Variants in AGPS observed in about 807,000 individuals in gnomAD.
The protein encoded by AGPS is alkylglycerone phosphate synthase.
A neutral mutation model predicts 90.7 loss-of-function variants in AGPS; 26 were observed. The observed-to-expected ratio is 0.29, with a 90% CI of 0.21 to 0.40. AGPS has a LOEUF of 0.40. AGPS is among the 10% of genes least tolerant of loss of function. The pLI, the probability that AGPS is intolerant of heterozygous loss-of-function variation, is 1.00. For synonymous variants in AGPS, 294 were observed against 285.3 expected (o/e 1.03, Z -0.31); for missense variants, 540 against 816.1 (o/e 0.66, Z 4.12).
At chr2:177,496,863 T>C (rs529595014) in intron 12 of AGPS, among the ~76,000 whole-genome samples, 45 of 152,114 alleles carry the variant, frequency 3.0e-4, no homozygotes, top group South Asian at 8.3e-4. Flanking sequence ...CCCCAAACCT[T>C]AAAGGCTTTT....
intron 9 of AGPS, among the ~76,000 whole-genome samples, chr2:177,466,497 C>A (rs543601908): frequency 1.1e-4 from 16 of 152,342 alleles, no homozygotes; most frequent in Non-Finnish European, 2.9e-5. Flanking sequence ...CGCCCAGGAG[C>A]CTGTCTGCCT....
intron 8 of AGPS, among the ~76,000 whole-genome samples, chr2:177,453,268 A>AC (rs1402101535): frequency 6.9e-6 from 1 of 145,212 alleles, no homozygotes; most frequent in Admixed American, 6.8e-5. Flanking sequence ...CCCTCTGGCT[A>AC]CTTTTTTTTT....
At chr2:177,529,809 T>C (rs914770355) in intron 19 of AGPS, among the ~76,000 whole-genome samples, 10 of 152,230 alleles carry the variant, frequency 6.6e-5, no homozygotes, top group African/African-American at 2.4e-4. Flanking sequence ...ATGTAGGCTA[T>C]GGAATCAAAT....
chr2:177,488,495 T>A (rs1688161042), intron 11 of AGPS, among the ~76,000 whole-genome samples: 1 of 152,166 alleles, frequency 6.6e-6, no homozygotes. Flanking sequence ...GGATTTGAAC[T>A]TTTAAATTAA....
intron 19 of AGPS, among the ~76,000 whole-genome samples, chr2:177,524,045 A>G (rs919478880): frequency 2.6e-5 from 4 of 152,226 alleles, no homozygotes; most frequent in Non-Finnish European, 5.9e-5. Flanking sequence ...CTGAGGTCTC[A>G]GGGACCTCAT....
intron 1 of AGPS, among the ~76,000 whole-genome samples, chr2:177,401,576 G>A (rs1244165889): frequency 2.0e-5 from 3 of 149,522 alleles, no homozygotes; most frequent in African/African-American, 7.4e-5. Context: ...ACAGAGTCTC[G>A]CTCTGTTGCC....
Position 177,482,076 on chromosome 2 carries a change from A to G in AGPS, c.1123A>G (p.Thr375Ala), listed in dbSNP as rs1282763146. 1 of 1,602,906 alleles carries G rather than the reference A, an allele frequency of 6.2e-7. No homozygotes were observed. The highest frequency in any genetic ancestry group is 1.3e-5 in the African/African-American group (1 of 74,768). Residue 375 changes from threonine to alanine, a missense_variant, in exon 11 of 20, where the codon ACA (threonine) becomes GCA (alanine). This residue lies in a region of AGPS where 405 missense variants were observed against 692.1 expected (regional missense o/e 0.59). Transcript: ENST00000264167. ...TTTTTCAGGAACTCTTGGTGTAATA[A>G]CAGAAGCTACAATAAAAATCAGACC... ...MGSEGTLGVI[T>A]EATIKIRPVP... is the part of the protein sequence containing the mutation.
chr2:177,503,609 A>AT (rs1414223464), intron 14 of AGPS, among the ~76,000 whole-genome samples: 3 of 152,200 alleles, frequency 2.0e-5, no homozygotes, highest in African/African-American at 7.2e-5. Context: ...ACATGCAGTC[A>AT]TTTTGGAGTG....
At chr2:177,395,381 T>G (rs1685144907) in intron 1 of AGPS, among the ~76,000 whole-genome samples, 7 of 152,224 alleles carry the variant, frequency 4.6e-5, no homozygotes, top group Admixed American at 4.6e-4. Context: ...TTGCATAGGT[T>G]ACAGCTGGTG....
chr2:177,433,509 GT>G (rs1420575915), intron 2 of AGPS, among the ~76,000 whole-genome samples: 1 of 152,052 alleles, frequency 6.6e-6, no homozygotes, highest in African/African-American at 2.4e-5. Flanking sequence ...GCTACTTCCA[GT>G]ATCTTGGGTC....
chr2:177,517,321 G>A (rs1689047402), intron 17 of AGPS, among the ~76,000 whole-genome samples: 1 of 151,924 alleles, frequency 6.6e-6, no homozygotes, highest in Non-Finnish European at 1.5e-5. Context: ...AGTATTTTAA[G>A]GCTATGTCAC....
intron 19 of AGPS, among the ~76,000 whole-genome samples, chr2:177,528,849 C>CTTTTTTTTTTT (rs71008000): frequency 2.5e-4 from 20 of 79,154 alleles, no homozygotes; most frequent in Admixed American, 3.7e-4. Context: ...CATATTAATC[C>CTTTTTTTTTTT]TTTTTTTTTT....
At chr2:177,400,421 T>C (rs1415071186) in intron 1 of AGPS, among the ~76,000 whole-genome samples, 1 of 152,168 alleles carries the variant, frequency 6.6e-6, no homozygotes, top group East Asian at 1.9e-4. Context: ...TGTATAGTTT[T>C]CTTAAAAACA....
At position 177,541,096 on chromosome 2, in the gene AGPS, T is replaced by C. The variant is rs1559090915; in HGVS notation, c.*2901T>C. 1 of 152,176 alleles carries C rather than the reference T, an allele frequency of 6.6e-6. No homozygotes were observed. The highest frequency in any genetic ancestry group is 2.4e-5 in the African/African-American group (1 of 41,454). 9.4% of individuals were successfully genotyped at this position (152,176 alleles called of 1,614,324 possible). A position where few individuals can be genotyped will look rare whatever the true frequency, so the allele number is the denominator to read the frequency against. ...AAAGTGCTTACATATTGTAGTACTA[T>C]TACTTAAAAGTTATTTATGAAGTTG... On this transcript the variant is annotated 3_prime_UTR_variant, in exon 20 of 20. Coordinates refer to ENST00000264167, the MANE Select transcript of AGPS (RefSeq NM_003659.4).
At chr2:177,529,311 A>G (rs2079116471) in intron 19 of AGPS, among the ~76,000 whole-genome samples, 1 of 151,974 alleles carries the variant, frequency 6.6e-6, no homozygotes, top group Non-Finnish European at 1.5e-5. Context: ...ACAAAAACTA[A>G]GAAAAAAAAC....
intron 1 of AGPS, among the ~76,000 whole-genome samples, chr2:177,401,650 T>A (rs1323370635): frequency 2.0e-5 from 3 of 152,154 alleles, no homozygotes; most frequent in Non-Finnish European, 2.9e-5. Context: ...GTTCAAGTGA[T>A]TCTCCTGCTT....
At chr2:177,528,672 T>C (rs967975599) in intron 19 of AGPS, among the ~76,000 whole-genome samples, 3 of 152,140 alleles carry the variant, frequency 2.0e-5, no homozygotes, top group African/African-American at 7.2e-5. Flanking sequence ...GACTTTATCT[T>C]GTTTGTCACT....
chr2:177,462,957 C>T (rs752158381), intron 9 of AGPS, among the ~76,000 whole-genome samples: 11 of 152,094 alleles, frequency 7.2e-5, no homozygotes, highest in Admixed American at 2.6e-4. Context: ...TCAACTCTAC[C>T]GTGATTTTAG....
In AGPS at chr2:177,432,026, C is replaced by T. The variant is rs190629702; in HGVS notation, c.351-2301C>T. Among the ~76,000 whole-genome samples, 144 of 152,306 alleles carry T rather than the reference C, an allele frequency of 9.5e-4. 1 individual carries two copies. In the Middle Eastern group the frequency reaches 0.01, roughly 11 times the overall value. Reference sequence around the variant, plus strand: ...CATGGCTCCAGCCGGTCCCTCTGTTCGGGGTCCCTGACTTCCCACAACATA... The same window carrying T: ...CATGGCTCCAGCCGGTCCCTCTGTTTGGGGTCCCTGACTTCCCACAACATA... On this transcript the variant is annotated intron_variant, in intron 2 of 19. Transcript: ENST00000264167.
Sources: gnomAD v4.1 joint callset for allele counts (sites outside exome capture counted in the v4.1 genomes callset) on GRCh38, gnomAD v4.1.1 for gene constraint, gnomAD v4.1.1 regional missense constraint, MANE v1.5 for transcripts, NCBI Gene and HGNC (gene_info 2026-07-23, HGNC 2026-07-21) for gene names.